The following PHF20 variants were observed in gnomAD, a reference collection of about 807,000 sequenced individuals.
PHF20 encodes the protein glioma-expressed antigen 2.
Under a neutral mutation model 113.5 loss-of-function variants are expected in PHF20, and 23 were observed. The observed-to-expected ratio is 0.20, with a 90% CI of 0.15 to 0.29. The LOEUF is 0.29. Among genes scored for constraint, PHF20 ranks in the 10% least tolerant of loss-of-function variants. PHF20 has a pLI of 1.00. For synonymous variants in PHF20, 434 were observed against 457.3 expected (o/e 0.95, Z 0.65); for missense variants, 943 against 1,219.6 (o/e 0.77, Z 3.38).
At chr20:35,783,900 G>A (rs917436566) in intron 1 of PHF20, among the ~76,000 whole-genome samples, 1 of 151,794 alleles carries the variant, frequency 6.6e-6, no homozygotes, top group African/African-American at 2.4e-5. Context: ...CAGGAGAATC[G>A]CTTGAACCCA....
intron 9 of PHF20, among the ~76,000 whole-genome samples, chr20:35,883,634 G>A (rs1431970825): frequency 6.6e-6 from 1 of 152,154 alleles, no homozygotes; most frequent in African/African-American, 2.4e-5. Flanking sequence ...TAGAGACAGG[G>A]TTTTGCCATT....
At chr20:35,941,406 T>C (rs908639355) in intron 17 of PHF20, among the ~76,000 whole-genome samples, 1 of 152,248 alleles carries the variant, frequency 6.6e-6, no homozygotes, top group Non-Finnish European at 1.5e-5. Flanking sequence ...AGTTTTAGGA[T>C]ATCTGAGGAT....
At chr20:35,811,919 C>T (rs1046678128) in intron 2 of PHF20, among the ~76,000 whole-genome samples, 19 of 151,652 alleles carry the variant, frequency 1.3e-4, no homozygotes, top group South Asian at 4.2e-4. Flanking sequence ...TACAGGCACC[C>T]GCCACCACGC....
chr20:35,924,360 A>G (rs536818515), intron 13 of PHF20, among the ~76,000 whole-genome samples: 11 of 150,748 alleles, frequency 7.3e-5, no homozygotes, highest in South Asian at 4.2e-4. Flanking sequence ...ACGCTTGGCT[A>G]ATTTTGTATT....
chr20:35,794,014 A>G (rs960988377), intron 1 of PHF20, among the ~76,000 whole-genome samples: 6 of 146,100 alleles, frequency 4.1e-5, no homozygotes, highest in African/African-American at 1.5e-4. Context: ...AAAAAAAAAA[A>G]AAAGGCCAGG....
At chr20:35,823,158 A>G (rs893557367) in intron 2 of PHF20, among the ~76,000 whole-genome samples, 5 of 152,222 alleles carry the variant, frequency 3.3e-5, no homozygotes, top group Non-Finnish European at 5.9e-5. Context: ...CAAAAAAAGT[A>G]CAATATTCAT....
intron 1 of PHF20, among the ~76,000 whole-genome samples, chr20:35,801,135 T>A (rs903651111): frequency 6.6e-6 from 1 of 152,264 alleles, no homozygotes; most frequent in Admixed American, 6.5e-5. Context: ...TGGTCTTGAT[T>A]GTTTCCTTAA....
chr20:35,783,952 T>G (rs62211713), intron 1 of PHF20, among the ~76,000 whole-genome samples: 2,351 of 151,840 alleles, frequency 0.015, 30 homozygotes, highest in Non-Finnish European at 0.023. Context: ...GCCATTGCAC[T>G]CTAGCCTGGG....
intron 2 of PHF20, among the ~76,000 whole-genome samples, chr20:35,831,353 A>T (rs1330304037): frequency 6.6e-6 from 1 of 152,206 alleles, no homozygotes; most frequent in Non-Finnish European, 1.5e-5. Context: ...TTGTACAGAC[A>T]GATGGGGTCT....
rs188530474 is a variant in PHF20, at chr20:35,937,002, T to A, written c.2301-1695T>A. ...CTACATACAGCTTGGTCTCACACAT[T>A]TTAGGGAGACATAAGACATCAATAC... is the stretch of plus-strand genomic sequence containing the variant. On this transcript the variant is annotated intron_variant, in intron 15 of 17. Transcript: ENST00000374012. Among the ~76,000 whole-genome samples, 142 of 152,186 alleles carry A rather than the reference T, an allele frequency of 9.3e-4. 1 individual carries two copies. The highest frequency in any genetic ancestry group is 1.5e-4 in the Non-Finnish European group (10 of 68,010).
At chr20:35,925,131 T>G (rs145325259) in intron 13 of PHF20, among the ~76,000 whole-genome samples, 1 of 152,278 alleles carries the variant, frequency 6.6e-6, no homozygotes, top group East Asian at 1.9e-4. Context: ...ATTGTACCTT[T>G]ATAATATTTT....
chr20:35,911,621 A>G (rs1461877243), intron 10 of PHF20, among the ~76,000 whole-genome samples: 1 of 152,188 alleles, frequency 6.6e-6, no homozygotes, highest in African/African-American at 2.4e-5. Flanking sequence ...GAAATCCTAT[A>G]AATATATTTG....
At chr20:35,834,348 A>T (rs1243035668) in intron 2 of PHF20, among the ~76,000 whole-genome samples, 1 of 149,320 alleles carries the variant, frequency 6.7e-6, no homozygotes, top group Non-Finnish European at 1.5e-5. Flanking sequence ...CACCTCCCAG[A>T]TAAAGCAATT....
At chr20:35,938,492 G>C (rs1313959438) in intron 15 of PHF20, 5 of 580,718 alleles carry the variant, frequency 8.6e-6, no homozygotes, top group Non-Finnish European at 1.2e-5. Flanking sequence ...CCCACTCACT[G>C]TGTGTGACCA....
intron 9 of PHF20, among the ~76,000 whole-genome samples, chr20:35,882,992 C>T (rs965479030): frequency 6.7e-6 from 1 of 148,684 alleles, no homozygotes; most frequent in Admixed American, 6.7e-5. Flanking sequence ...CACGTTATTG[C>T]ACTCCAGCCT....
chr20:35,877,217 G>C (rs954862114), intron 9 of PHF20, among the ~76,000 whole-genome samples: 4 of 143,830 alleles, frequency 2.8e-5, no homozygotes, highest in Non-Finnish European at 6.0e-5. Context: ...TTGAACCTGG[G>C]AGGAAGAGGT....
intron 17 of PHF20, among the ~76,000 whole-genome samples, chr20:35,943,567 A>G (rs898101154): frequency 6.7e-5 from 10 of 150,330 alleles, no homozygotes; most frequent in African/African-American, 1.7e-4. Flanking sequence ...TTGTTTTACA[A>G]TTGGCCATTA....
chr20:35,875,152 C>T (rs372047358), intron 9 of PHF20, among the ~76,000 whole-genome samples: 1 of 151,910 alleles, frequency 6.6e-6, no homozygotes, highest in Non-Finnish European at 1.5e-5. Flanking sequence ...AATCCCAGCA[C>T]TCTCGGATGC....
intron 10 of PHF20, among the ~76,000 whole-genome samples, chr20:35,910,402 G>A (rs965257115): frequency 2.6e-5 from 4 of 152,232 alleles, no homozygotes; most frequent in Middle Eastern, 3.4e-3. Context: ...CTTTACAGCT[G>A]TATCGAGACT....
Sources: allele counts gnomAD v4.1 joint callset (sites outside exome capture counted in the v4.1 genomes callset), GRCh38; gene constraint gnomAD v4.1.1; transcripts MANE v1.5; gene names NCBI Gene and HGNC (gene_info 2026-07-23, HGNC 2026-07-21).